Variants in NSUN2 observed in about 807,000 individuals in gnomAD.
NSUN2 encodes NOP2/Sun RNA methyltransferase 2.
Under a neutral mutation model 92.7 loss-of-function variants are expected in NSUN2, and 63 were observed. The ratio of observed to expected loss-of-function variants is 0.68; its 90% CI spans 0.56 to 0.84. The LOEUF (loss-of-function observed/expected upper bound fraction) is 0.84. Ranked by LOEUF, NSUN2 falls within the 40% of genes least tolerant of loss-of-function variation. The pLI is 0.00. For synonymous variants in NSUN2, 356 were observed against 348.3 expected (o/e 1.02, Z -0.25); for missense variants, 989 against 964.9 (o/e 1.02, Z -0.33).
Position 6,599,240 on chromosome 5 carries a change from A to G in NSUN2, c.*686T>C, listed in dbSNP as rs996274204. 6 of 152,752 alleles carry G rather than the reference A, an allele frequency of 3.9e-5. No individual in the cohort carries two copies. Among genetic ancestry groups the G allele is most frequent in the South Asian group, 4.1e-4 (2 of 4,826 alleles). The allele number at this position is 152,752 out of a possible 1,614,324, so 9.5% of individuals were successfully genotyped here. On this transcript the variant is annotated 3_prime_UTR_variant, in exon 19 of 19. Transcript: ENST00000264670. Reference sequence around the variant, plus strand: ...GCAAAAACAGGAATCACACATGTATATATTTTATCAATTTTATTGAAATAT... The same window carrying G: ...GCAAAAACAGGAATCACACATGTATGTATTTTATCAATTTTATTGAAATAT...
At chr5:6,606,755 G>T in intron 14 of NSUN2, 65 bp downstream of exon 14, 1 of 893,180 alleles carries the variant, frequency 1.1e-6, no homozygotes, top group Non-Finnish European at 1.8e-6. Flanking sequence ...CATGTGATCA[G>T]TTGTACATTT....
chr5:6,626,905 T>G (rs911099054), intron 3 of NSUN2, among the ~76,000 whole-genome samples: 2 of 152,174 alleles, frequency 1.3e-5, no homozygotes, highest in African/African-American at 2.4e-5. Context: ...AAAATAAAAC[T>G]GGAATGTCTG....
intron 9 of NSUN2, among the ~76,000 whole-genome samples, chr5:6,612,750 C>G (rs1165049120): frequency 6.6e-6 from 1 of 152,228 alleles, no homozygotes; most frequent in Non-Finnish European, 1.5e-5. Flanking sequence ...CAGTAAATGA[C>G]AGTGCAGGCA....
chr5:6,621,218 T>C (rs935507468), intron 6 of NSUN2: 1 of 152,188 alleles, frequency 6.6e-6, no homozygotes, highest in African/African-American at 2.4e-5. Context: ...AGCTACATAC[T>C]GATTCGTCCC....
intron 3 of NSUN2, among the ~76,000 whole-genome samples, chr5:6,630,969 C>G (rs1190515905): frequency 6.6e-6 from 1 of 152,102 alleles, no homozygotes; most frequent in Non-Finnish European, 1.5e-5. Context: ...TGGCGGGCAC[C>G]TGTAGTCCCA....
chr5:6,620,088 G>T lies in NSUN2; in HGVS notation c.815+18C>A. Reference sequence around the variant, plus strand: ...TTTCTTTAGTGGATTTGGGCTTTTTGGCCAATAAGATAAATACCTGCAAGG... The same window carrying T: ...TTTCTTTAGTGGATTTGGGCTTTTTTGCCAATAAGATAAATACCTGCAAGG... On this transcript the variant is annotated intron_variant, in intron 7 of 18. Coordinates refer to ENST00000264670, the MANE Select transcript of NSUN2 (RefSeq NM_017755.6). 2 of 1,528,636 alleles carry T rather than the reference G, an allele frequency of 1.3e-6. No individual in the cohort carries two copies. The highest frequency in any genetic ancestry group is 1.4e-5 in the African/African-American group (1 of 71,240). The allele number at this position is 1,528,636 out of a possible 1,614,324, so 94.7% of individuals were successfully genotyped here.
chr5:6,611,399 G>T (rs1341542761), intron 10 of NSUN2, among the ~76,000 whole-genome samples: 1 of 128,422 alleles, frequency 7.8e-6, no homozygotes, highest in African/African-American at 2.9e-5. Context: ...GCCTAAAATT[G>T]TAATGAATTA....
chr5:6,605,142 CA>C (rs1211547003), intron 15 of NSUN2, 130 bp downstream of exon 15: 1 of 1,221,838 alleles, frequency 8.2e-7, no homozygotes, highest in Non-Finnish European at 1.2e-6. Flanking sequence ...AGGGCAGGCT[CA>C]GGGACCCACA....
At chr5:6,609,718 A>G (rs892662612) in intron 12 of NSUN2, 108 bp downstream of exon 12, 2 of 831,462 alleles carry the variant, frequency 2.4e-6, no homozygotes, top group Non-Finnish European at 3.9e-6. Context: ...CCTGCTGCCC[A>G]CAGCAAGAAG....
chr5:6,610,062 TA>T, intron 11 of NSUN2, 140 bp from the exon 12 acceptor site: 13 of 540,112 alleles, frequency 2.4e-5, no homozygotes, highest in South Asian at 1.3e-4. Context: ...TATGTAAACT[TA>T]AATTTTTTTT....
At chr5:6,621,751 A>AAC (rs1404262340) in intron 6 of NSUN2, 1 of 340,178 alleles carries the variant, frequency 2.9e-6, no homozygotes, top group African/African-American at 2.2e-5. Flanking sequence ...CCATCTCAAA[A>AAC]AAAAAAAAAA....
chr5:6,625,641 T>C lies in NSUN2; in HGVS notation c.388A>G (p.Asn130Asp). Residue 130 changes from asparagine to aspartate, a missense_variant, in exon 4 of 19, where the codon AAT becomes GAT. By Grantham distance (23) the Asn-to-Asp change is conservative (BLOSUM62 1). This residue lies in a region of NSUN2 where 356 missense variants were observed against 338.6 expected (regional missense o/e 1.05). Coordinates refer to ENST00000264670, the MANE Select transcript of NSUN2 (RefSeq NM_017755.6). ...WYPEELAWHTNLSRKILRKSP... is the reference protein window; with the variant it reads ...WYPEELAWHTDLSRKILRKSP... Reference sequence around the variant, plus strand: ...TTTCTCAAGATTTTTCGACTTAAATTTGTGTGCCAGGCAAGTTCTTCAGGA... The same window carrying C: ...TTTCTCAAGATTTTTCGACTTAAATCTGTGTGCCAGGCAAGTTCTTCAGGA... 6.2e-7 allele frequency: 1 copy of C among 1,614,190 alleles called. No individual in the cohort carries two copies. The highest frequency in any genetic ancestry group is 1.3e-5 in the African/African-American group (1 of 75,054).
In NSUN2 at chr5:6,626,133, T is replaced by C. The variant is rs58714096; in HGVS notation, c.360-464A>G. Among the ~76,000 whole-genome samples the C allele has an allele frequency of 6.3e-4, 96 of 152,276 alleles. 1 individual carries two copies. In the East Asian group the frequency reaches 0.018, roughly 29 times the overall value. On this transcript the variant is annotated intron_variant, in intron 3 of 18. Coordinates refer to ENST00000264670, the MANE Select transcript of NSUN2 (RefSeq NM_017755.6). Reference sequence around the variant, plus strand: ...GTTTTTTAAAAAATATATTTTTCATTATTTCTAACACCAGTTCAATAATGC... The same window carrying C: ...GTTTTTTAAAAAATATATTTTTCATCATTTCTAACACCAGTTCAATAATGC...
intron 17 of NSUN2, among the ~76,000 whole-genome samples, chr5:6,603,320 C>T (rs1413107753): frequency 6.6e-6 from 1 of 152,212 alleles, no homozygotes; most frequent in Non-Finnish European, 1.5e-5. Flanking sequence ...GAACTGCTGG[C>T]AAGACTCTTA....
intron 11 of NSUN2, 108 bp downstream of exon 11, chr5:6,610,847 A>G (rs1736956899): frequency 5.9e-6 from 8 of 1,351,820 alleles, no homozygotes; most frequent in Non-Finnish European, 8.1e-6. Context: ...CAAGCCTCAC[A>G]GCAATGTCAC....
In NSUN2 at chr5:6,611,591, G is replaced by A. The variant is rs1300801373; in HGVS notation, c.1095+134C>T. On this transcript the variant is annotated intron_variant, in intron 10 of 18. Coordinates refer to ENST00000264670, the MANE Select transcript of NSUN2 (RefSeq NM_017755.6). Reference sequence around the variant, plus strand: ...GAAATGTGTCATGAAATAACACTCCGAAATTGATTCTAATTGGCATAACCA... The same window carrying A: ...GAAATGTGTCATGAAATAACACTCCAAAATTGATTCTAATTGGCATAACCA... The A allele has an allele frequency of 9.3e-5, 65 of 702,590 alleles. 1 individual carries two copies. The highest frequency in any genetic ancestry group is 5.0e-4 in the South Asian group (26 of 52,344). 43.5% of individuals were successfully genotyped at this position (702,590 alleles called of 1,614,324 possible).
chr5:6,631,600 G>C (rs904612658), intron 3 of NSUN2, among the ~76,000 whole-genome samples: 8 of 152,218 alleles, frequency 5.3e-5, no homozygotes, highest in Non-Finnish European at 8.8e-5. Context: ...GCTGTAAAAG[G>C]GAGCTGGCGG....
intron 7 of NSUN2, among the ~76,000 whole-genome samples, chr5:6,619,766 G>A (rs13356728): frequency 0.013 from 1,964 of 152,282 alleles, 56 homozygotes; most frequent in African/African-American, 0.045. Context: ...TAGTTGGGGT[G>A]CACAAATTGT....
intron 15 of NSUN2, 128 bp downstream of exon 15, chr5:6,605,145 G>T: frequency 7.9e-7 from 1 of 1,261,284 alleles, no homozygotes; most frequent in East Asian, 2.3e-5. Flanking sequence ...GCAGGCTCAG[G>T]GACCCACAGC....
Sources: gnomAD v4.1 joint callset for allele counts (sites outside exome capture counted in the v4.1 genomes callset) on GRCh38, gnomAD v4.1.1 for gene constraint, gnomAD v4.1.1 regional missense constraint, MANE v1.5 for transcripts, NCBI Gene and HGNC (gene_info 2026-07-23, HGNC 2026-07-21) for gene names.